Variants in SLC1A1 observed in about 807,000 individuals in gnomAD.
The protein encoded by SLC1A1 is solute carrier family 1 member 1.
SLC1A1 carries 43 observed loss-of-function variants against 53.3 expected under a neutral mutation model. The ratio of observed to expected loss-of-function variants is 0.81; its 90% CI spans 0.63 to 1.04. The LOEUF (loss-of-function observed/expected upper bound fraction) is 1.04, where lower values mean the gene tolerates loss of function less well. Ranked by LOEUF, SLC1A1 falls within the 50% of genes least tolerant of loss-of-function variation. The pLI, the probability that SLC1A1 is intolerant of heterozygous loss-of-function variation, is 0.00. For synonymous variants in SLC1A1, 307 were observed against 243.2 expected, an observed-to-expected ratio of 1.26 and a Z score of -2.44; for missense variants, 748 against 664.9, an observed-to-expected ratio of 1.12 and a Z score of -1.37.
At chr9:4,577,712 T>C (rs963684642) in intron 10 of SLC1A1, among the ~76,000 whole-genome samples, 6 of 152,200 alleles carry the variant, frequency 3.9e-5, no homozygotes, top group African/African-American at 1.4e-4. Flanking sequence ...TGACCTCAGG[T>C]GATTTGCCCA....
chr9:4,500,901 C>T (rs754160886), intron 1 of SLC1A1, among the ~76,000 whole-genome samples: 2 of 152,166 alleles, frequency 1.3e-5, no homozygotes, highest in Non-Finnish European at 2.9e-5. Flanking sequence ...GCTTCATGTT[C>T]CTCTCCCAGG....
In SLC1A1 at chr9:4,572,354, G is replaced by A; in HGVS notation, c.733G>A (p.Asp245Asn). 1 of 1,614,180 alleles carries A rather than the reference G, an allele frequency of 6.2e-7. No individual in the cohort carries two copies. The highest frequency in any genetic ancestry group is 8.5e-7 in the Non-Finnish European group (1 of 1,180,000). ...ILVDFFNALS[D>N]ATMKIVQIIM... ...GGTGGATTTCTTCAATGCTTTGAGT[G>A]ATGCAACCATGAAAATCGTTCAGAT... The change falls in exon 7 of 12, where the codon GAT becomes AAT. Residue 245 changes from aspartate to asparagine, a missense_variant. Physicochemically the swap from Asp to Asn is conservative, Grantham distance 23. Coordinates refer to ENST00000262352, the MANE Select transcript of SLC1A1 (RefSeq NM_004170.6).
At chr9:4,532,129 A>C (rs1564012099) in intron 1 of SLC1A1, among the ~76,000 whole-genome samples, 1 of 152,208 alleles carries the variant, frequency 6.6e-6, no homozygotes. Flanking sequence ...AAAAACTGGA[A>C]ACTCTAAAAA....
chr9:4,502,196 G>T (rs983691799), intron 1 of SLC1A1, among the ~76,000 whole-genome samples: 3 of 151,236 alleles, frequency 2.0e-5, no homozygotes, highest in African/African-American at 7.4e-5. Context: ...AGACCAGCCT[G>T]GGCAACATGG....
intron 1 of SLC1A1, among the ~76,000 whole-genome samples, chr9:4,497,999 T>C (rs76766963): frequency 0.03 from 4,560 of 152,292 alleles, 220 homozygotes; most frequent in African/African-American, 0.1. Context: ...CTGAAATTGA[T>C]TACTGCTGTC....
At position 4,534,575 on chromosome 9, in the gene SLC1A1, T is replaced by C. The variant is rs1218527470; in HGVS notation, c.92-9992T>C. On this transcript the variant is annotated intron_variant, in intron 1 of 11. Coordinates refer to ENST00000262352, the MANE Select transcript of SLC1A1 (RefSeq NM_004170.6). ...TGAAATTGAGGCAATAATTAATAGC[T>C]TACCAACCAAAAAAAGTCCAGGACC... Among the ~76,000 whole-genome samples the C allele has an allele frequency of 7.2e-5, 11 of 151,898 alleles. 1 individual carries two copies. The highest frequency in any genetic ancestry group is 2.0e-4 in the Admixed American group (3 of 15,254).
intron 2 of SLC1A1, among the ~76,000 whole-genome samples, chr9:4,552,256 G>A (rs1817995449): frequency 1.3e-5 from 2 of 152,074 alleles, no homozygotes; most frequent in Non-Finnish European, 2.9e-5. Context: ...GTAAAATTAA[G>A]TCTTATCTCA....
At chr9:4,548,031 C>T (rs968925941) in intron 2 of SLC1A1, among the ~76,000 whole-genome samples, 9 of 152,046 alleles carry the variant, frequency 5.9e-5, no homozygotes, top group African/African-American at 2.2e-4. Flanking sequence ...AGTAAGAAAA[C>T]ATGATCTGTT....
chr9:4,574,718 C>A (rs144039291), intron 8 of SLC1A1, among the ~76,000 whole-genome samples: 568 of 152,170 alleles, frequency 3.7e-3, no homozygotes, highest in African/African-American at 0.013. Flanking sequence ...ATGTCACATA[C>A]CCTAAGAAAT....
At chr9:4,568,135 C>T (rs1036650409) in intron 6 of SLC1A1, among the ~76,000 whole-genome samples, 6 of 151,866 alleles carry the variant, frequency 4.0e-5, no homozygotes, top group African/African-American at 1.5e-4. Flanking sequence ...TGAAATGGAC[C>T]AAGGTGGGGT....
Position 4,490,618 on chromosome 9 carries a change from T to G in SLC1A1, c.-62T>G. On this transcript the variant is annotated 5_prime_UTR_variant, in exon 1 of 12. Transcript: ENST00000262352. Reference sequence around the variant, plus strand: ...CGCCGCGCCGCCGAGCAGCCAGCAGTCCCCGGGTCGCCCAGCCCACGCGCG... The same window carrying G: ...CGCCGCGCCGCCGAGCAGCCAGCAGGCCCCGGGTCGCCCAGCCCACGCGCG... 1 of 1,385,796 alleles carries G rather than the reference T, an allele frequency of 7.2e-7. No individual in the cohort carries two copies. The highest frequency in any genetic ancestry group is 1.0e-6 in the Non-Finnish European group (1 of 984,042). 85.8% of individuals were successfully genotyped at this position (1,385,796 alleles called of 1,614,324 possible).
At chr9:4,580,158 G>A (rs192759) in intron 10 of SLC1A1, among the ~76,000 whole-genome samples, 10,605 of 151,784 alleles carry the variant, frequency 0.07, 746 homozygotes, top group East Asian at 0.2. Flanking sequence ...TTGAGCCCAG[G>A]AGGCAGAGGT....
At chr9:4,521,350 T>A (rs1405461729) in intron 1 of SLC1A1, among the ~76,000 whole-genome samples, 1 of 152,152 alleles carries the variant, frequency 6.6e-6, no homozygotes, top group Non-Finnish European at 1.5e-5. Flanking sequence ...AAAATGGAGT[T>A]TGGGGGTGAG....
chr9:4,566,112 T>C, intron 5 of SLC1A1, 23 bp downstream of exon 5: 1 of 1,595,842 alleles, frequency 6.3e-7, no homozygotes, highest in Non-Finnish European at 8.6e-7. Context: ...ACTTGTGCCC[T>C]TAACTTGCTA....
Position 4,576,662 on chromosome 9 carries a change from A to C in SLC1A1, c.1092A>C (p.Thr364=), listed in dbSNP as rs761087718. 1.4e-5 allele frequency: 23 copies of C among 1,614,030 alleles called. No homozygotes were observed. In the Admixed American group the frequency reaches 3.7e-4, roughly 26 times the overall value. Residue 364 remains threonine, a synonymous_variant, in exon 10 of 12, where the codon ACA becomes ACC. Transcript: ENST00000262352. Reference sequence around the variant, plus strand: ...GATTCGTGTTACCCGTTGGTGCAACAATCAACATGGATGGGACTGCGCTCT... The same window carrying C: ...GATTCGTGTTACCCGTTGGTGCAACCATCAACATGGATGGGACTGCGCTCT... ...ITRFVLPVGA[T]INMDGTALYE... is the part of the protein sequence containing the mutation.
chr9:4,516,951 C>T (rs1271707733), intron 1 of SLC1A1, among the ~76,000 whole-genome samples: 3 of 152,172 alleles, frequency 2.0e-5, no homozygotes, highest in Admixed American at 6.5e-5. Flanking sequence ...ACACTCTTAT[C>T]ACCTCTTTAT....
intron 1 of SLC1A1, among the ~76,000 whole-genome samples, chr9:4,540,881 C>T (rs1468843158): frequency 6.6e-6 from 1 of 152,226 alleles, no homozygotes; most frequent in Non-Finnish European, 1.5e-5. Context: ...TTAGAAGGGA[C>T]TTCTGAAGAC....
At chr9:4,524,358 C>A (rs1351280823) in intron 1 of SLC1A1, among the ~76,000 whole-genome samples, 1 of 152,054 alleles carries the variant, frequency 6.6e-6, no homozygotes, top group African/African-American at 2.4e-5. Context: ...GTTCTCCCAC[C>A]ATCTCAAACA....
At chr9:4,568,721 CA>C (rs1819736081) in intron 6 of SLC1A1, among the ~76,000 whole-genome samples, 1 of 149,402 alleles carries the variant, frequency 6.7e-6, no homozygotes, top group Non-Finnish European at 1.5e-5. Flanking sequence ...AACATACACA[CA>C]AAAAAGCATC....
Sources: allele counts gnomAD v4.1 joint callset (sites outside exome capture counted in the v4.1 genomes callset), GRCh38; gene constraint gnomAD v4.1.1; transcripts MANE v1.5; gene names NCBI Gene and HGNC (gene_info 2026-07-23, HGNC 2026-07-21).